The following IGF2BP2 variants were observed in gnomAD, a reference collection of about 807,000 sequenced individuals.
IGF2BP2 encodes insulin-like growth factor 2 mRNA-binding protein 2.
Under a neutral mutation model 75.8 loss-of-function variants are expected in IGF2BP2, and 17 were observed. The observed-to-expected ratio is 0.22, with a 90% CI of 0.15 to 0.34. The LOEUF (loss-of-function observed/expected upper bound fraction) is 0.34. IGF2BP2 is among the 10% of genes least tolerant of loss of function. The pLI is 1.00. For synonymous variants in IGF2BP2, 288 were observed against 295.6 expected (o/e 0.97, Z 0.26); for missense variants, 516 against 772.4 (o/e 0.67, Z 3.93).
chr3:185,792,509 T>C (rs1366289135), intron 2 of IGF2BP2, among the ~76,000 whole-genome samples: 2 of 152,020 alleles, frequency 1.3e-5, no homozygotes, highest in Non-Finnish European at 2.9e-5. Context: ...CTCATGCCTG[T>C]AATCCCAGCA....
chr3:185,706,623 G>GT (rs1724060993), intron 2 of IGF2BP2, among the ~76,000 whole-genome samples: 3 of 152,146 alleles, frequency 2.0e-5, no homozygotes, highest in Admixed American at 6.5e-5. Context: ...GGACAGAATT[G>GT]TAACAGGAAG....
At chr3:185,817,435 C>T (rs1469535582) in intron 2 of IGF2BP2, among the ~76,000 whole-genome samples, 1 of 152,162 alleles carries the variant, frequency 6.6e-6, no homozygotes, top group Non-Finnish European at 1.5e-5. Context: ...TTCCTTCTTC[C>T]CTTTGGCAGC....
intron 2 of IGF2BP2, among the ~76,000 whole-genome samples, chr3:185,756,200 C>T (rs928904968): frequency 3.9e-5 from 6 of 152,174 alleles, no homozygotes; most frequent in Non-Finnish European, 7.3e-5. Flanking sequence ...CCCCTTCTCA[C>T]TCTTGCTCAT....
In IGF2BP2 at chr3:185,727,212, C is replaced by T. The variant is rs191315226; in HGVS notation, c.240-28865G>A. Among the ~76,000 whole-genome samples, 163 of 129,322 alleles carry T rather than the reference C, an allele frequency of 1.3e-3. 1 individual carries two copies. The highest frequency in any genetic ancestry group is 4.6e-3 in the African/African-American group (149 of 32,044). The allele number at this position is 129,322 out of a possible 152,430, so 84.8% of individuals were successfully genotyped here. On this transcript the variant is annotated intron_variant, in intron 2 of 15. Transcript: ENST00000382199. ...CAGCCTGGGCGACAGAGAGAGACTC[C>T]GTCTCAAAAAAAAAAAAAAAAAGTA...
intron 2 of IGF2BP2, among the ~76,000 whole-genome samples, chr3:185,789,682 T>C (rs1409363770): frequency 6.6e-6 from 1 of 151,828 alleles, no homozygotes; most frequent in Non-Finnish European, 1.5e-5. Flanking sequence ...AAAACCCCTT[T>C]TGCTTCAGCT....
At chr3:185,688,956 A>T (rs1721526592) in intron 6 of IGF2BP2, among the ~76,000 whole-genome samples, 1 of 152,148 alleles carries the variant, frequency 6.6e-6, no homozygotes, top group Non-Finnish European at 1.5e-5. Flanking sequence ...CTTCTTTGTG[A>T]GACTACCTAT....
intron 13 of IGF2BP2, among the ~76,000 whole-genome samples, chr3:185,651,302 T>C (rs1404538307): frequency 1.3e-5 from 2 of 152,264 alleles, no homozygotes; most frequent in Non-Finnish European, 2.9e-5. Context: ...TTTCTGTGGC[T>C]GAATAACATT....
intron 2 of IGF2BP2, among the ~76,000 whole-genome samples, chr3:185,797,213 C>T (rs765552619): frequency 6.6e-6 from 1 of 152,184 alleles, no homozygotes; most frequent in Non-Finnish European, 1.5e-5. Context: ...CAATGATACA[C>T]ATGAACCTAC....
In IGF2BP2 at chr3:185,778,048, C is replaced by T. The variant is rs369909869; in HGVS notation, c.239+45105G>A. ...AAAAAAAATCACAAATGTGGAGGCTCGCTGAGCATTGTTGTGCTGTATCAC... is the reference window on the plus strand; with the variant it reads ...AAAAAAAATCACAAATGTGGAGGCTTGCTGAGCATTGTTGTGCTGTATCAC... On this transcript the variant is annotated intron_variant, in intron 2 of 15. Transcript: ENST00000382199. Among the ~76,000 whole-genome samples the T allele has an allele frequency of 2.0e-4, 30 of 152,198 alleles. 1 individual carries two copies. The South Asian group carries it at 5.6e-3, about 28-fold the overall frequency.
At chr3:185,696,477 T>C in intron 4 of IGF2BP2, 135 bp downstream of exon 4, 1 of 706,048 alleles carries the variant, frequency 1.4e-6, no homozygotes, top group Non-Finnish European at 2.4e-6. Context: ...CTTACATAGA[T>C]GTAAATACAT....
At chr3:185,667,003 A>T (rs1330690715) in intron 10 of IGF2BP2, among the ~76,000 whole-genome samples, 1 of 152,246 alleles carries the variant, frequency 6.6e-6, no homozygotes, top group Non-Finnish European at 1.5e-5. Flanking sequence ...GGAAAAAATA[A>T]CATTGCTGTT....
intron 2 of IGF2BP2, among the ~76,000 whole-genome samples, chr3:185,802,495 C>T (rs761497319): frequency 3.9e-5 from 6 of 152,218 alleles, no homozygotes; most frequent in Non-Finnish European, 8.8e-5. Flanking sequence ...TACTCTAGCT[C>T]CACTCTGGCT....
intron 2 of IGF2BP2, chr3:185,716,657 G>C (rs1725675828): frequency 1.9e-6 from 1 of 519,982 alleles, no homozygotes. Flanking sequence ...GCTGTCTTGG[G>C]CTCCCTGATC....
At chr3:185,800,292 G>T (rs1414467206) in intron 2 of IGF2BP2, among the ~76,000 whole-genome samples, 2 of 152,068 alleles carry the variant, frequency 1.3e-5, no homozygotes, top group Non-Finnish European at 2.9e-5. Flanking sequence ...TGGGGGACTG[G>T]GGGAGGTATA....
chr3:185,769,846 A>G (rs1332069215), intron 2 of IGF2BP2, among the ~76,000 whole-genome samples: 6 of 150,334 alleles, frequency 4.0e-5, no homozygotes, highest in Non-Finnish European at 8.9e-5. Context: ...AAAAAAAAAA[A>G]AAAAAAAGAA....
intron 10 of IGF2BP2, among the ~76,000 whole-genome samples, chr3:185,672,283 GA>G (rs1328650896): frequency 6.6e-6 from 1 of 152,178 alleles, no homozygotes; most frequent in African/African-American, 2.4e-5. Flanking sequence ...TCTAGTTGAT[GA>G]ATTTGCTATG....
intron 2 of IGF2BP2, among the ~76,000 whole-genome samples, chr3:185,733,355 C>T (rs1560379163): frequency 6.6e-6 from 1 of 152,106 alleles, no homozygotes; most frequent in Non-Finnish European, 1.5e-5. Flanking sequence ...CTGTCAGTAC[C>T]CACTCATCAT....
At chr3:185,782,754 C>G (rs1241449701) in intron 2 of IGF2BP2, among the ~76,000 whole-genome samples, 2 of 152,116 alleles carry the variant, frequency 1.3e-5, no homozygotes, top group East Asian at 3.9e-4. Context: ...AAGCATGAAA[C>G]TCACAGGGTA....
chr3:185,745,645 C>T (rs1305532290), intron 2 of IGF2BP2, among the ~76,000 whole-genome samples: 1 of 152,154 alleles, frequency 6.6e-6, no homozygotes, highest in Non-Finnish European at 1.5e-5. Context: ...TCCCTCAGCC[C>T]CCACAACTCC....
Sources: allele counts gnomAD v4.1 joint callset (sites outside exome capture counted in the v4.1 genomes callset), GRCh38; gene constraint gnomAD v4.1.1; transcripts MANE v1.5; gene names NCBI Gene and HGNC (gene_info 2026-07-23, HGNC 2026-07-21).